Variants in NALCN observed in about 807,000 individuals in gnomAD.
NALCN encodes the protein sodium leak channel NALCN.
NALCN carries 111 observed loss-of-function variants against 225.3 expected under a neutral mutation model. The observed-to-expected ratio is 0.49, with a 90% CI of 0.42 to 0.58. NALCN has a LOEUF of 0.58. Ranked by LOEUF, NALCN falls within the 20% of genes least tolerant of loss-of-function variation. NALCN has a pLI of 0.00. For missense variants in NALCN, 1,378 were observed against 2,202.4 expected, an observed-to-expected ratio of 0.63 and a Z score of 7.49; for synonymous variants, 764 against 769.0, an observed-to-expected ratio of 0.99 and a Z score of 0.11.
At position 101,054,742 on chromosome 13, in the gene NALCN, C is replaced by T. The variant is rs1037266890; in HGVS notation, c.*553G>A. 1 of 152,032 alleles carries T rather than the reference C, an allele frequency of 6.6e-6. No homozygotes were observed. The highest frequency in any genetic ancestry group is 1.5e-5 in the Non-Finnish European group (1 of 68,014). 9.4% of individuals were successfully genotyped at this position (152,032 alleles called of 1,614,324 possible). On this transcript the variant is annotated 3_prime_UTR_variant, in exon 44 of 44. Coordinates refer to ENST00000251127, the MANE Select transcript of NALCN (RefSeq NM_052867.4). Reference sequence around the variant, plus strand: ...CTTGTGTATATTTAAAAATATAACACGAGAAAAAGAAGATACTTTTTAAAA... The same window carrying T: ...CTTGTGTATATTTAAAAATATAACATGAGAAAAAGAAGATACTTTTTAAAA...
At chr13:101,365,620 A>G in intron 6 of NALCN, among the ~76,000 whole-genome samples, 1 of 152,176 alleles carries the variant, frequency 6.6e-6, no homozygotes, top group East Asian at 1.9e-4. Flanking sequence ...TCTTGGTGAT[A>G]TTTTATAAAA....
At position 101,192,016 on chromosome 13, in the gene NALCN, T is replaced by C. The variant is rs751650870; in HGVS notation, c.1665A>G (p.Gly555=). The change falls in exon 14 of 44, where the codon GGA becomes GGG. Residue 555 remains glycine (G), a synonymous_variant. Transcript: ENST00000251127. ...MSMFQILTQE[G]WVDVMDQTLN... ...GAGTTTGGTCCATTACGTCCACCCA[T>C]CCTTCCTGGGTGAGGATCTGGAACA... 6.3e-7 allele frequency: 1 copy of C among 1,597,810 alleles called. No individual in the cohort carries two copies. Among genetic ancestry groups the C allele is most frequent in the Non-Finnish European group, 8.5e-7 (1 of 1,175,078 alleles).
chr13:101,158,260 T>C (rs1254210300), intron 15 of NALCN, among the ~76,000 whole-genome samples: 4 of 152,246 alleles, frequency 2.6e-5, no homozygotes, highest in Non-Finnish European at 2.9e-5. Context: ...AGGAGAGTTT[T>C]ACTCTGGTCT....
chr13:101,161,957 C>T (rs2038206752), intron 15 of NALCN, among the ~76,000 whole-genome samples: 1 of 152,146 alleles, frequency 6.6e-6, no homozygotes, highest in Admixed American at 6.5e-5. Flanking sequence ...GCTGACTTTT[C>T]CACACTTACT....
rs112199971 is a variant in NALCN, at chr13:101,078,972, T to G, written c.3885+2555A>C. ...TGATATTGAGTTAGTTCTCACAAGA[T>G]CTGATGGTTTTATAAGGGACTTCCC... On this transcript the variant is annotated intron_variant, in intron 34 of 43. Coordinates refer to ENST00000251127, the MANE Select transcript of NALCN (RefSeq NM_052867.4). Among the ~76,000 whole-genome samples, 423 of 152,264 alleles carry G rather than the reference T, an allele frequency of 2.8e-3. 1 individual carries two copies. Among genetic ancestry groups the G allele is most frequent in the African/African-American group, 9.6e-3 (397 of 41,554 alleles).
intron 40 of NALCN, 37 bp from the exon 41 acceptor site, chr13:101,062,155 T>A: frequency 6.2e-7 from 1 of 1,608,868 alleles, no homozygotes. Context: ...GCAGCTCTGA[T>A]TCACCTGAGA....
intron 13 of NALCN, among the ~76,000 whole-genome samples, chr13:101,199,497 T>C (rs1368322618): frequency 4.0e-5 from 6 of 151,218 alleles, no homozygotes; most frequent in African/African-American, 1.5e-4. Flanking sequence ...ATGTCCTTTG[T>C]AGGGACATGG....
At chr13:101,171,028 C>CTTCA (rs79788682) in intron 15 of NALCN, among the ~76,000 whole-genome samples, 2,552 of 152,236 alleles carry the variant, frequency 0.017, 33 homozygotes, top group African/African-American at 0.025. Context: ...ATCACTTGAG[C>CTTCA]TTCACAGTCA....
intron 1 of NALCN, among the ~76,000 whole-genome samples, chr13:101,399,718 G>T (rs1380387007): frequency 1.3e-5 from 2 of 152,172 alleles, no homozygotes; most frequent in Non-Finnish European, 2.9e-5. Flanking sequence ...GTTGTTTTAT[G>T]AATGCAGTGA....
intron 1 of NALCN, among the ~76,000 whole-genome samples, chr13:101,414,042 C>A (rs9518390): frequency 0.75 from 112,827 of 150,292 alleles, 43,159 homozygotes; most frequent in African/African-American, 0.88. Context: ...TACACCACTA[C>A]ACTTGGTGAA....
In NALCN at chr13:101,258,686, A is replaced by AGGGCT. The variant is rs2042321068; in HGVS notation, c.1135-117_1135-113dup. 5.6e-6 allele frequency: 8 copies of AGGGCT among 1,437,784 alleles called. No homozygotes were observed. In the South Asian group the frequency reaches 1.0e-4, roughly 19 times the overall value. The allele number at this position is 1,437,784 out of a possible 1,614,324, so 89.1% of individuals were successfully genotyped here. ...TTTGTGATGTGCTGCTATGCAAAACAGGGCTTCCAAGATAAAGCCATCCAT... is the reference window on the plus strand; with the variant it reads ...TTTGTGATGTGCTGCTATGCAAAACAGGGCTGGGCTTCCAAGATAAAGCCATCCAT... On this transcript the variant is annotated intron_variant, in intron 10 of 43. Coordinates refer to ENST00000251127, the MANE Select transcript of NALCN (RefSeq NM_052867.4).
In NALCN at chr13:101,346,087, C is replaced by CTCTCTCTCTCTATATATATA; in HGVS notation, c.645-668_645-667insTATATATATAGAGAGAGAGA. Among the ~76,000 whole-genome samples the CTCTCTCTCTCTATATATATA allele has an allele frequency of 3.2e-3, 226 of 70,932 alleles. 1 individual carries two copies. The highest frequency in any genetic ancestry group is 3.8e-3 in the Non-Finnish European group (142 of 37,544). 46.5% of individuals were successfully genotyped at this position (70,932 alleles called of 152,430 possible). A position where few individuals can be genotyped will look rare whatever the true frequency, so the allele number is the denominator to read the frequency against. On this transcript the variant is annotated intron_variant, in intron 6 of 43. Coordinates refer to ENST00000251127, the MANE Select transcript of NALCN (RefSeq NM_052867.4). ...TCTCTCTCTCTCTCTCTCTCTCTCT[C>CTCTCTCTCTCTATATATATA]TATATATATATATATATATATATAT...
Position 101,242,373 on chromosome 13 carries a change from A to G in NALCN, c.1267-4451T>C, listed in dbSNP as rs1220175501. ...TTTGGACGCTCGACTTGGTTTTTCTAATCTCCTGGCTTAATTCTCAATGGT... is the reference window on the plus strand; with the variant it reads ...TTTGGACGCTCGACTTGGTTTTTCTGATCTCCTGGCTTAATTCTCAATGGT... On this transcript the variant is annotated intron_variant, in intron 11 of 43. Transcript: ENST00000251127. Among the ~76,000 whole-genome samples, 7 of 104,490 alleles carry G rather than the reference A, an allele frequency of 6.7e-5. 3 individuals are homozygous for G. Among genetic ancestry groups the G allele is most frequent in the African/African-American group, 2.4e-4 (7 of 28,986 alleles). The allele number at this position is 104,490 out of a possible 152,430, so 68.5% of individuals were successfully genotyped here.
intron 3 of NALCN, 70 bp from the exon 4 acceptor site, chr13:101,378,723 T>G (rs2046763559): frequency 1.6e-6 from 2 of 1,275,652 alleles, no homozygotes; most frequent in Non-Finnish European, 2.2e-6. Flanking sequence ...TGGAGGAAAA[T>G]GTCAAATATT....
At chr13:101,407,944 AATTGTTACCT>A (rs1159406375) in intron 1 of NALCN, among the ~76,000 whole-genome samples, 2 of 152,176 alleles carry the variant, frequency 1.3e-5, no homozygotes, top group African/African-American at 4.8e-5. Flanking sequence ...GTGTGAGGCT[AATTGTTACCT>A]ATTTCTCACC....
At chr13:101,105,634 TA>T (rs11405672) in intron 22 of NALCN, among the ~76,000 whole-genome samples, 1 of 151,852 alleles carries the variant, frequency 6.6e-6, no homozygotes, top group Non-Finnish European at 1.5e-5. Context: ...TAATTCAAGA[TA>T]AAAAAAACGT....
chr13:101,061,085 T>C (rs1040170956), intron 41 of NALCN, among the ~76,000 whole-genome samples: 2 of 152,216 alleles, frequency 1.3e-5, no homozygotes, highest in African/African-American at 2.4e-5. Flanking sequence ...CTGTGAAACA[T>C]GCCAAAAGCA....
At position 101,132,063 on chromosome 13, in the gene NALCN, A is replaced by G. The variant is rs534763296; in HGVS notation, c.2119-7382T>C. Among the ~76,000 whole-genome samples the G allele has an allele frequency of 2.4e-3, 369 of 151,394 alleles. 1 individual carries two copies. The highest frequency in any genetic ancestry group is 6.3e-3 in the African/African-American group (261 of 41,236). ...TGCTATCTTAGTGTTTCCTTGGTTG[A>G]TAATTTTTCTAAATTCTTGAAATGA... is the stretch of plus-strand genomic sequence containing the variant. On this transcript the variant is annotated intron_variant, in intron 17 of 43. Transcript: ENST00000251127.
At chr13:101,358,530 A>T (rs879487888) in intron 6 of NALCN, among the ~76,000 whole-genome samples, 2 of 152,242 alleles carry the variant, frequency 1.3e-5, no homozygotes, top group Admixed American at 6.5e-5. Flanking sequence ...GCGATTATTA[A>T]AAAGTCAAGA....
Sources: allele counts gnomAD v4.1 joint callset (sites outside exome capture counted in the v4.1 genomes callset), GRCh38; gene constraint gnomAD v4.1.1; transcripts MANE v1.5; gene names NCBI Gene and HGNC (gene_info 2026-07-23, HGNC 2026-07-21).